ADCY6: variants seen among roughly 807,000 people sequenced by gnomAD.
The protein encoded by ADCY6 is adenylate cyclase 6.
Under a neutral mutation model 111.6 loss-of-function variants are expected in ADCY6, and 59 were observed. The observed-to-expected ratio is 0.53, with a 90% CI of 0.43 to 0.66. ADCY6 has a LOEUF of 0.66. Ranked by LOEUF, ADCY6 falls within the 30% of genes least tolerant of loss-of-function variation. The pLI, the probability that ADCY6 is intolerant of heterozygous loss-of-function variation, is 0.00. For missense variants in ADCY6, 1,242 were observed against 1,595.6 expected, an observed-to-expected ratio of 0.78 and a Z score of 3.78; for synonymous variants, 576 against 642.9, an observed-to-expected ratio of 0.90 and a Z score of 1.57.
intron 1 of ADCY6, among the ~76,000 whole-genome samples, chr12:48,787,771 C>G (rs906288890): frequency 6.6e-6 from 1 of 152,182 alleles, no homozygotes; most frequent in Non-Finnish European, 1.5e-5. Flanking sequence ...TTCATACCAC[C>G]GGCTCCCACA....
Position 48,774,062 on chromosome 12 carries a change from C to G in ADCY6, c.2320G>C (p.Ala774Pro). ...CNHTPIRSCA[A>P]RMLNLTPADI... ...GCAGGTGTTAAATTCAGCATCCGGG[C>G]TGCACAGCTCCGTATGGGGGTGTGG... The change falls in exon 15 of 22, where the codon GCC (alanine) becomes CCC (proline). Residue 774 changes from alanine to proline, a missense_variant. Ala to Pro is a conservative substitution (Grantham distance 27). Around this residue, in one of 4 missense-constraint regions of ADCY6, gnomAD observed 375 missense variants for 432.5 expected, o/e 0.87. Transcript: ENST00000357869. The G allele has an allele frequency of 6.2e-7, 1 of 1,611,778 alleles. No individual in the cohort carries two copies. The highest frequency in any genetic ancestry group is 2.2e-5 in the East Asian group (1 of 44,840).
Position 48,776,007 on chromosome 12 carries a change from G to A in ADCY6, c.1762C>T (p.Arg588Cys), listed in dbSNP as rs143383917. The change falls in exon 9 of 22, where the codon CGT (arginine) becomes TGT (cysteine). Residue 588 changes from arginine (R) to cysteine (C), a missense_variant. Physicochemically the swap from Arg to Cys is radical, Grantham distance 180 (BLOSUM62 -3). Around this residue, in one of 4 missense-constraint regions of ADCY6, gnomAD observed 375 missense variants for 432.5 expected, o/e 0.87. Coordinates refer to ENST00000357869, the MANE Select transcript of ADCY6 (RefSeq NM_015270.5). The surrounding 1 kb of genome is among the most constrained non-coding windows in gnomAD (Gnocchi z 6.1). ...GAGTCCTTGGTCCGGGAGAAGGCAC[G>A]ATCAGGAACCCAGCGCGGCATCAGC... Reference protein sequence around the residue: ...EGLMPRWVPDRAFSRTKDSKA... With the variant: ...EGLMPRWVPDCAFSRTKDSKA... 9.7e-5 allele frequency: 156 copies of A among 1,612,250 alleles called. No homozygotes were observed. In the African/African-American group the frequency reaches 2.0e-3, roughly 20 times the overall value.
rs1408512761 is a variant in ADCY6 at position 48,777,568 on chromosome 12, C to T, written c.1136+47G>A. 1.9e-6 allele frequency: 3 copies of T among 1,613,960 alleles called. No homozygotes were observed. Among genetic ancestry groups the T allele is most frequent in the Non-Finnish European group, 2.5e-6 (3 of 1,179,924 alleles). On this transcript the variant is annotated intron_variant, in intron 4 of 21. Coordinates refer to ENST00000357869, the MANE Select transcript of ADCY6 (RefSeq NM_015270.5). The surrounding 1 kb of genome is among the most constrained non-coding windows in gnomAD (Gnocchi z 4.9). ...GAACAGAACACATAGCCCTCAAAGA[C>T]TTCCAGACCCCCCGCCCTGCTGGGC...
chr12:48,776,526 G>T lies in ADCY6; in HGVS notation c.1437C>A (p.Arg479=). 3 of 1,613,808 alleles carry T rather than the reference G, an allele frequency of 1.9e-6. No individual in the cohort carries two copies. Among genetic ancestry groups the T allele is most frequent in the Non-Finnish European group, 2.5e-6 (3 of 1,180,012 alleles). ...VNMRVGIHSG[R]VHCGVLGLRK... is the part of the protein sequence containing the mutation. Reference sequence around the variant, plus strand: ...GCAAGCCAAGGACGCCGCAGTGCACGCGCCCGCTGTGGATGCCCACGCGCA... The same window carrying T: ...GCAAGCCAAGGACGCCGCAGTGCACTCGCCCGCTGTGGATGCCCACGCGCA... Residue 479 remains arginine (R), a synonymous_variant, in exon 7 of 22, where the codon CGC becomes CGA. Coordinates refer to ENST00000357869, the MANE Select transcript of ADCY6 (RefSeq NM_015270.5). This position sits in a 1 kb window ranked among gnomAD's most constrained non-coding sequence, Gnocchi z 6.1.
chr12:48,772,470 A>G, intron 17 of ADCY6, 38 bp downstream of exon 17: 1 of 1,614,220 alleles, frequency 6.2e-7, no homozygotes, highest in Non-Finnish European at 8.5e-7. Context: ...GAGGCATCTA[A>G]TGGCTCTACC....
At chr12:48,784,524 T>C (rs529635500) in intron 1 of ADCY6, among the ~76,000 whole-genome samples, 12 of 151,974 alleles carry the variant, frequency 7.9e-5, no homozygotes, top group African/African-American at 2.7e-4. Context: ...GTGAAGCAGC[T>C]TATGGTTCAG....
chr12:48,769,225 T>C (rs1387507720), intron 20 of ADCY6, among the ~76,000 whole-genome samples, 164 bp from the exon 21 acceptor site: 1 of 151,680 alleles, frequency 6.6e-6, no homozygotes, highest in Non-Finnish European at 1.5e-5. Context: ...CTGGCCAACA[T>C]GGTGAAACCC....
At position 48,771,067 on chromosome 12, in the gene ADCY6, A is replaced by G; in HGVS notation, c.3052-97T>C. On this transcript the variant is annotated intron_variant, in intron 19 of 21. Coordinates refer to ENST00000357869, the MANE Select transcript of ADCY6 (RefSeq NM_015270.5). The surrounding 1 kb of genome is among the most constrained non-coding windows in gnomAD (Gnocchi z 4.3). ...TTGCCACGCCTTGGCTGCCTTCCCC[A>G]CTTCCCTGTCTCAAGAGCCCCCTTC... 8.1e-7 allele frequency: 1 copy of G among 1,241,812 alleles called. No homozygotes were observed. The allele number at this position is 1,241,812 out of a possible 1,614,324, so 76.9% of individuals were successfully genotyped here. A position where few individuals can be genotyped will look rare whatever the true frequency, so the allele number is the denominator to read the frequency against.
At chr12:48,772,807 G>A (rs913719201) in intron 16 of ADCY6, among the ~76,000 whole-genome samples, 4 of 152,160 alleles carry the variant, frequency 2.6e-5, no homozygotes, top group Admixed American at 1.3e-4. Context: ...GTACAACAGG[G>A]ATCAGATCTA....
rs1462604570 is a variant in ADCY6, at chr12:48,768,072, T to C, written c.*519A>G. 5.6e-6 allele frequency: 1 copy of C among 177,832 alleles called. No individual in the cohort carries two copies. Among genetic ancestry groups the C allele is most frequent in the Admixed American group, 5.4e-5 (1 of 18,652 alleles). The allele number at this position is 177,832 out of a possible 1,614,324, so 11.0% of individuals were successfully genotyped here. A position where few individuals can be genotyped will look rare whatever the true frequency, so the allele number is the denominator to read the frequency against. ...TCTGTGCATAGGAGGGACACCTGGCTGGGGTGGGGAAGTGCCCAGGACCAG... is the reference window on the plus strand; with the variant it reads ...TCTGTGCATAGGAGGGACACCTGGCCGGGGTGGGGAAGTGCCCAGGACCAG... On this transcript the variant is annotated 3_prime_UTR_variant, in exon 22 of 22. Coordinates refer to ENST00000357869, the MANE Select transcript of ADCY6 (RefSeq NM_015270.5).
At chr12:48,789,466 C>A (rs1370096891), upstream of ADCY6, 1 of 151,876 alleles carries the variant, frequency 6.6e-6, no homozygotes, top group Non-Finnish European at 1.5e-5. Context: ...CCACCCCTCA[C>A]GGCTACATCC....
chr12:48,774,132 A>G (rs1296603293), intron 14 of ADCY6, 34 bp from the exon 15 acceptor site: 1 of 1,579,896 alleles, frequency 6.3e-7, no homozygotes, highest in Non-Finnish European at 8.6e-7. Context: ...AGGGTAACCA[A>G]GGAGGGAAAG....
At chr12:48,778,291 C>T (rs1380831334) in intron 2 of ADCY6, 34 bp from the exon 3 acceptor site, 1 of 1,613,464 alleles carries the variant, frequency 6.2e-7, no homozygotes, top group East Asian at 2.2e-5. Context: ...CAGTGACCAT[C>T]TCCTCTGCCT....
chr12:48,775,047 C>T lies in ADCY6; in HGVS notation c.1988G>A (p.Arg663Gln), dbSNP rs372694335. Residue 663 changes from arginine to glutamine, a missense_variant, in exon 12 of 22, where the codon CGG (arginine) becomes CAG (glutamine). Around this residue, in one of 4 missense-constraint regions of ADCY6, gnomAD observed 375 missense variants for 432.5 expected, o/e 0.87. Transcript: ENST00000357869. Reference protein sequence around the residue: ...QREDLEKKYSRKVDPRFGAYV... With the variant: ...QREDLEKKYSQKVDPRFGAYV... ...GGCTCCGAAGCGGGGATCCACCTTC[C>T]GGGAGTACTGAGGGAGAGGAGGCTG... 18 of 1,554,402 alleles carry T rather than the reference C, an allele frequency of 1.2e-5. No homozygotes were observed. The highest frequency in any genetic ancestry group is 4.9e-5 in the East Asian group (2 of 41,234).
intron 1 of ADCY6, among the ~76,000 whole-genome samples, chr12:48,786,795 ATGATC>A (rs1462858950): frequency 6.6e-6 from 1 of 152,242 alleles, no homozygotes; most frequent in Non-Finnish European, 1.5e-5. Flanking sequence ...CATTAGAAGC[ATGATC>A]TTTGGCATGA....
chr12:48,781,530 A>G (rs751260313), intron 2 of ADCY6, among the ~76,000 whole-genome samples: 1 of 152,144 alleles, frequency 6.6e-6, no homozygotes, highest in Non-Finnish European at 1.5e-5. Flanking sequence ...ATCTCTCTGA[A>G]AGGGACTTCC....
In ADCY6 at chr12:48,775,396, G is replaced by C. The variant is rs746587385; in HGVS notation, c.1887C>G (p.Ser629Arg). 1.2e-6 allele frequency: 2 copies of C among 1,614,040 alleles called. No individual in the cohort carries two copies. The highest frequency in any genetic ancestry group is 3.3e-5 in the Admixed American group (2 of 60,004). The stretch of plus-strand genomic sequence containing the variant: ...CAATGCTGCGGGCATCGATGGCACG[G>C]CTCAGGAACTCATCCACCTCATCCT... ...NPEDEVDEFL[S>R]RAIDARSIDQ... Residue 629 changes from serine (S) to arginine (R), a missense_variant, in exon 11 of 22, where the codon AGC becomes AGG. This residue lies in a region of ADCY6 where 375 missense variants were observed against 432.5 expected (regional missense o/e 0.87). Transcript: ENST00000357869.
At chr12:48,768,847 A>C in intron 21 of ADCY6, 90 bp downstream of exon 21, 1 of 1,547,152 alleles carries the variant, frequency 6.5e-7, no homozygotes, top group Non-Finnish European at 8.8e-7. Context: ...AACACTAGCC[A>C]CCCTACCCCT....
intron 1 of ADCY6, 86 bp from the exon 2 acceptor site, chr12:48,783,524 T>A: frequency 1.3e-6 from 2 of 1,590,044 alleles, no homozygotes; most frequent in Non-Finnish European, 1.7e-6. Context: ...CCACCACTAG[T>A]AGCTCATTAC....
Sources: allele counts gnomAD v4.1 joint callset (sites outside exome capture counted in the v4.1 genomes callset), GRCh38; gene constraint gnomAD v4.1.1; regional missense constraint gnomAD v4.1.1; non-coding constraint Gnocchi (gnomAD v3.1); transcripts MANE v1.5; gene names NCBI Gene and HGNC (gene_info 2026-07-23, HGNC 2026-07-21).